The following LIPG variants were observed in gnomAD, a reference collection of about 807,000 sequenced individuals.
The protein encoded by LIPG is lipase G, endothelial type.
LIPG carries 34 observed loss-of-function variants against 51.8 expected under a neutral mutation model. The observed-to-expected ratio is 0.66, with a 90% CI of 0.50 to 0.87. LIPG has a LOEUF of 0.87. Ranked by LOEUF, LIPG falls within the 40% of genes least tolerant of loss-of-function variation. LIPG has a pLI of 0.00. For missense variants in LIPG, 580 were observed against 652.7 expected (o/e 0.89, Z 1.21); for synonymous variants, 246 against 246.1 (o/e 1.00, Z 0.00).
chr18:49,567,367 A>C, intron 2 of LIPG, 75 bp from the exon 3 acceptor site: 1 of 1,455,180 alleles, frequency 6.9e-7, no homozygotes, highest in Non-Finnish European at 9.5e-7. Context: ...GAAGAGGGTC[A>C]TATAGAAAGG....
chr18:49,569,434 T>C lies in LIPG; in HGVS notation c.460-3T>C, dbSNP rs917065683. ...GCTCACATACTTTGGTGACTTTCTA[T>C]AGGAGAAGGACGATTTTTCTCTCGG... On this transcript the variant is annotated splice_polypyrimidine_tract_variant and splice_region_variant and intron_variant, in intron 3 of 9. Coordinates refer to ENST00000261292, the MANE Select transcript of LIPG (RefSeq NM_006033.4). 4 of 1,613,780 alleles carry C rather than the reference T, an allele frequency of 2.5e-6. No homozygotes were observed. The highest frequency in any genetic ancestry group is 2.7e-5 in the African/African-American group (2 of 74,898).
chr18:49,588,346 G>C (rs1412770518), intron 9 of LIPG, among the ~76,000 whole-genome samples: 1 of 149,936 alleles, frequency 6.7e-6, no homozygotes, highest in African/African-American at 2.5e-5. Context: ...GCAGTGGAGT[G>C]ATCTTGGCTT....
At chr18:49,577,939 C>T (rs1183230159) in intron 5 of LIPG, among the ~76,000 whole-genome samples, 1 of 118,058 alleles carries the variant, frequency 8.5e-6, no homozygotes, top group East Asian at 2.3e-4. Flanking sequence ...GCGCCCCTCA[C>T]CTCCTGGACG....
chr18:49,584,366 A>T (rs1200396301), intron 8 of LIPG, among the ~76,000 whole-genome samples: 1 of 152,158 alleles, frequency 6.6e-6, no homozygotes, highest in African/African-American at 2.4e-5. Flanking sequence ...TTTTAACCCC[A>T]AGCCTAGCAT....
intron 5 of LIPG, among the ~76,000 whole-genome samples, chr18:49,579,764 C>CTTTCCTTTCCTT (rs1194564576): frequency 8.9e-6 from 1 of 112,204 alleles, no homozygotes; most frequent in Non-Finnish European, 1.7e-5. Context: ...CTTTCCTTTC[C>CTTTCCTTTCCTT]TTTCTTTTCT....
chr18:49,574,025 G>T lies in LIPG; in HGVS notation c.572-1344G>T, dbSNP rs924976473. 3.9e-5 allele frequency among the ~76,000 whole-genome samples: 6 copies of T among 152,182 alleles called. No individual in the cohort carries two copies. The East Asian group carries it at 1.2e-3, about 29-fold the overall frequency. On this transcript the variant is annotated intron_variant, in intron 4 of 9. Transcript: ENST00000261292. ...TCCATCAGAATGGGGGCAATAAAAA[G>T]GTCTCCAGGAATTTCCAGATGTCCC...
Position 49,576,457 on chromosome 18 carries a change from C to CTTT in LIPG, c.793+892_793+894dup, listed in dbSNP as rs34597464. Among the ~76,000 whole-genome samples the CTTT allele has an allele frequency of 8.2e-4, 42 of 51,512 alleles. 8 individuals carry two copies. The highest frequency in any genetic ancestry group is 1.0e-3 in the Non-Finnish European group (29 of 28,672). The allele number at this position is 51,512 out of a possible 152,430, so 33.8% of individuals were successfully genotyped here. A position where few individuals can be genotyped will look rare whatever the true frequency, so the allele number is the denominator to read the frequency against. ...TCTTTTTTTAAAAGACAGAATCTTG[C>CTTT]TTTTTTTTTTTTTTTTTTTTTTTTT... On this transcript the variant is annotated intron_variant, in intron 5 of 9. Transcript: ENST00000261292.
chr18:49,586,544 T>A (rs1282274972), intron 8 of LIPG, among the ~76,000 whole-genome samples: 3 of 152,190 alleles, frequency 2.0e-5, no homozygotes, highest in Admixed American at 2.0e-4. Flanking sequence ...AGAGGCTGCA[T>A]GAGGCCGAAT....
chr18:49,571,051 C>G lies in LIPG; in HGVS notation c.571+1503C>G, dbSNP rs112091028. On this transcript the variant is annotated intron_variant, in intron 4 of 9. Coordinates refer to ENST00000261292, the MANE Select transcript of LIPG (RefSeq NM_006033.4). ...ACACACATGCCTGTTGATCCAATGA[C>G]TTGATTCATCCCAGCTTGAGAGCTT... 2.0e-3 allele frequency among the ~76,000 whole-genome samples: 307 copies of G among 152,306 alleles called. 2 individuals are homozygous for G. The highest frequency in any genetic ancestry group is 7.0e-3 in the African/African-American group (292 of 41,570).
intron 5 of LIPG, among the ~76,000 whole-genome samples, chr18:49,578,750 G>C (rs12960052): frequency 6.8e-4 from 100 of 146,076 alleles, no homozygotes; most frequent in African/African-American, 1.9e-3. Context: ...ACTGAGTGAA[G>C]GAGACTCCGT....
In LIPG at chr18:49,593,898, TG is replaced by T. The variant is rs1410782901; in HGVS notation, c.*3380del. 1.3e-5 allele frequency: 2 copies of T among 152,206 alleles called. No homozygotes were observed. Among genetic ancestry groups the T allele is most frequent in the African/African-American group, 4.8e-5 (2 of 41,438 alleles). 9.4% of individuals were successfully genotyped at this position (152,206 alleles called of 1,614,324 possible). Reference sequence around the variant, plus strand: ...GACATATAATAATTGTACATATTTGTGGGGAAAATAGTGATGTTTCGATACA... The same window carrying T: ...GACATATAATAATTGTACATATTTGTGGGAAAATAGTGATGTTTCGATACA... On this transcript the variant is annotated 3_prime_UTR_variant, in exon 10 of 10. Transcript: ENST00000261292.
chr18:49,590,426 C>A, intron 9 of LIPG, 75 bp from the exon 10 acceptor site: 2 of 1,504,602 alleles, frequency 1.3e-6, no homozygotes, highest in Non-Finnish European at 1.8e-6. Flanking sequence ...GTCAAAAGAG[C>A]ACACCCTGAA....
rs1223652824 is a variant in LIPG at position 49,566,683 on chromosome 18, G to A, written c.280-759G>A. On this transcript the variant is annotated intron_variant, in intron 2 of 9. Transcript: ENST00000261292. ...ATGGCAGAGATGGGTTGTGGGAAGG[G>A]GTCATTTGTTAACTCTGCATTCACC... Among the ~76,000 whole-genome samples, 3 of 152,084 alleles carry A rather than the reference G, an allele frequency of 2.0e-5. No homozygotes were observed. The East Asian group carries it at 5.8e-4, about 29-fold the overall frequency.
At chr18:49,572,292 G>T (rs1396627311) in intron 4 of LIPG, among the ~76,000 whole-genome samples, 1 of 151,598 alleles carries the variant, frequency 6.6e-6, no homozygotes, top group Non-Finnish European at 1.5e-5. Context: ...TGCACTCCAG[G>T]CTGGGTGACA....
chr18:49,579,718 C>T (rs1003830572), intron 5 of LIPG, among the ~76,000 whole-genome samples: 1 of 150,210 alleles, frequency 6.7e-6, no homozygotes, highest in Non-Finnish European at 1.5e-5. Context: ...TTTACTCCCT[C>T]CTCAGAATAT....
intron 9 of LIPG, chr18:49,589,268 C>T (rs914939359): frequency 2.0e-5 from 3 of 152,268 alleles, no homozygotes; most frequent in African/African-American, 7.2e-5. Context: ...CAAGCACCAT[C>T]ATCACAGGAC....
At position 49,593,767 on chromosome 18, in the gene LIPG, T is replaced by C. The variant is rs1271171157; in HGVS notation, c.*3245T>C. 6.6e-6 allele frequency: 1 copy of C among 152,226 alleles called. No individual in the cohort carries two copies. The highest frequency in any genetic ancestry group is 2.4e-5 in the African/African-American group (1 of 41,466). 9.4% of individuals were successfully genotyped at this position (152,226 alleles called of 1,614,324 possible). On this transcript the variant is annotated 3_prime_UTR_variant, in exon 10 of 10. Coordinates refer to ENST00000261292, the MANE Select transcript of LIPG (RefSeq NM_006033.4). ...TGACTGAGAAGTTGCTTACATTCTA[T>C]TGGCCAGAAATAAATCCATGGTCAC...
Position 49,567,386 on chromosome 18 carries a change from A to AT in LIPG, c.280-50dup, listed in dbSNP as rs1230498618. The AT allele has an allele frequency of 6.8e-5, 106 of 1,561,194 alleles. 1 individual carries two copies. In the South Asian group the frequency reaches 7.5e-4, roughly 11 times the overall value. ...AGGGTCATATAGAAAGGAATTCCAT[A>AT]TTTTTTAGGATTTCTGAAACCAAGA... On this transcript the variant is annotated intron_variant, in intron 2 of 9. Coordinates refer to ENST00000261292, the MANE Select transcript of LIPG (RefSeq NM_006033.4).
At chr18:49,577,756 CA>C (rs1342671878) in intron 5 of LIPG, among the ~76,000 whole-genome samples, 2 of 95,700 alleles carry the variant, frequency 2.1e-5, no homozygotes, top group African/African-American at 5.2e-5. Flanking sequence ...CTGACCCCCC[CA>C]CCTCCCTCCC....
Sources: gnomAD v4.1 joint callset for allele counts (sites outside exome capture counted in the v4.1 genomes callset) on GRCh38, gnomAD v4.1.1 for gene constraint, MANE v1.5 for transcripts, NCBI Gene and HGNC (gene_info 2026-07-23, HGNC 2026-07-21) for gene names.